Variants in MBNL2 observed in about 807,000 individuals in gnomAD.
MBNL2 encodes the protein muscleblind like splicing regulator 2.
Under a neutral mutation model 41.9 loss-of-function variants are expected in MBNL2, and 17 were observed. That is an observed-to-expected ratio of 0.41 (90% CI 0.28 to 0.61). MBNL2 has a LOEUF of 0.61. Ranked by LOEUF, MBNL2 falls within the 20% of genes least tolerant of loss-of-function variation. The pLI is 0.35. For missense variants in MBNL2, 336 were observed against 505.6 expected (o/e 0.66, Z 3.22); for synonymous variants, 195 against 182.9 (o/e 1.07, Z -0.53).
At chr13:97,288,275 A>G (rs1434109266) in intron 2 of MBNL2, among the ~76,000 whole-genome samples, 1 of 152,206 alleles carries the variant, frequency 6.6e-6, no homozygotes, top group Non-Finnish European at 1.5e-5. Context: ...CCACACCAGC[A>G]AACTCACTCA....
intron 1 of MBNL2, among the ~76,000 whole-genome samples, chr13:97,230,779 A>T (rs2152780517): frequency 6.6e-6 from 1 of 152,352 alleles, no homozygotes; most frequent in South Asian, 2.1e-4. Context: ...TCTCCTGCAC[A>T]TAGCTTTTCC....
the MBNL2 span, among the ~76,000 whole-genome samples, chr13:97,182,994 G>T: frequency 6.6e-6 from 1 of 152,132 alleles, no homozygotes; most frequent in Non-Finnish European, 1.5e-5. Flanking sequence ...TCAATAAAAA[G>T]TCTGACTTCA....
chr13:97,222,722 C>G (rs990504434), intron 1 of MBNL2, among the ~76,000 whole-genome samples, 191 bp downstream of exon 1: 1 of 152,070 alleles, frequency 6.6e-6, no homozygotes, highest in Non-Finnish European at 1.5e-5. Context: ...GAATCTATGC[C>G]GCCTGTTTGG....
the MBNL2 span, among the ~76,000 whole-genome samples, chr13:97,207,291 T>G: frequency 6.6e-6 from 1 of 152,194 alleles, no homozygotes; most frequent in Non-Finnish European, 1.5e-5. Flanking sequence ...TGTGTATTTT[T>G]TATATTAACA....
chr13:97,324,987 G>A (rs1414093734), intron 2 of MBNL2, among the ~76,000 whole-genome samples: 1 of 152,054 alleles, frequency 6.6e-6, no homozygotes, highest in Non-Finnish European at 1.5e-5. Flanking sequence ...CCAGTCCACT[G>A]ACTCAAATGT....
At chr13:97,352,061 T>TAAATAAATAAATAATA (rs377716664) in intron 5 of MBNL2, among the ~76,000 whole-genome samples, 2 of 126,376 alleles carry the variant, frequency 1.6e-5, no homozygotes, top group African/African-American at 5.6e-5. Context: ...AATAAATAAA[T>TAAATAAATAAATAATA]AATAAATAAA....
the MBNL2 span, among the ~76,000 whole-genome samples, chr13:97,204,516 T>C: frequency 6.6e-6 from 1 of 152,226 alleles, no homozygotes; most frequent in African/African-American, 2.4e-5. Flanking sequence ...CTCCTAGCTT[T>C]ATTTCCTTAA....
chr13:97,312,591 C>T (rs558250968), intron 2 of MBNL2, among the ~76,000 whole-genome samples: 1 of 152,242 alleles, frequency 6.6e-6, no homozygotes, highest in East Asian at 1.9e-4. Flanking sequence ...TCTCAAAGAC[C>T]AGGAAACCCT....
chr13:97,149,282 G>A, the MBNL2 span, among the ~76,000 whole-genome samples: 2 of 152,322 alleles, frequency 1.3e-5, no homozygotes, highest in South Asian at 2.1e-4. Flanking sequence ...CTTGTCTTAA[G>A]TGAAGTGCTC....
chr13:97,203,906 AT>A, the MBNL2 span, among the ~76,000 whole-genome samples: 9 of 151,998 alleles, frequency 5.9e-5, no homozygotes, highest in South Asian at 2.1e-4. Flanking sequence ...GGATGGATGG[AT>A]GGATGGATGG....
chr13:97,351,245 G>T (rs2062422383), intron 5 of MBNL2, among the ~76,000 whole-genome samples: 1 of 152,168 alleles, frequency 6.6e-6, no homozygotes, highest in African/African-American at 2.4e-5. Context: ...AAACCATGTT[G>T]TAAATACATA....
the MBNL2 span, among the ~76,000 whole-genome samples, chr13:97,196,805 T>G: frequency 2.0e-5 from 3 of 152,190 alleles, no homozygotes; most frequent in Non-Finnish European, 4.4e-5. Context: ...CTTACACACT[T>G]TCTCCTTAAC....
chr13:97,287,519 C>A (rs1232903957), intron 2 of MBNL2, among the ~76,000 whole-genome samples: 1 of 151,976 alleles, frequency 6.6e-6, no homozygotes, highest in African/African-American at 2.4e-5. Context: ...TTGGGACATT[C>A]AATATTCCAG....
intron 2 of MBNL2, among the ~76,000 whole-genome samples, chr13:97,320,469 G>A (rs1298196860): frequency 6.6e-6 from 1 of 151,730 alleles, no homozygotes; most frequent in African/African-American, 2.4e-5. Context: ...TGTTAGCCAG[G>A]ATGGTCTTGA....
intron 2 of MBNL2, among the ~76,000 whole-genome samples, chr13:97,287,640 T>C (rs1027714102): frequency 6.6e-5 from 10 of 152,004 alleles, no homozygotes; most frequent in African/African-American, 2.4e-4. Flanking sequence ...CAAAACGTTG[T>C]TTTTTATTCC....
chr13:97,324,629 A>G (rs970056246), intron 2 of MBNL2, among the ~76,000 whole-genome samples: 16 of 152,186 alleles, frequency 1.1e-4, no homozygotes, highest in African/African-American at 3.4e-4. Context: ...GAATCGACTC[A>G]CACGATCACA....
At chr13:97,218,513 C>G (rs986173142), upstream of MBNL2, among the ~76,000 whole-genome samples, 4 of 142,398 alleles carry the variant, frequency 2.8e-5, no homozygotes, top group African/African-American at 1.1e-4. Context: ...TCAAACTGTA[C>G]AAGACAACTG....
At chr13:97,155,309 A>C in the MBNL2 span, among the ~76,000 whole-genome samples, 1 of 151,974 alleles carries the variant, frequency 6.6e-6, no homozygotes, top group Non-Finnish European at 1.5e-5. Context: ...TCCCAAACCA[A>C]GTCTTGCTTC....
At chr13:97,239,134 G>T (rs927119864) in intron 1 of MBNL2, among the ~76,000 whole-genome samples, 5 of 152,178 alleles carry the variant, frequency 3.3e-5, no homozygotes, top group African/African-American at 1.2e-4. Context: ...AGAGACTGCT[G>T]CTTCTTTCTA....
Sources: allele counts gnomAD v4.1 joint callset (sites outside exome capture counted in the v4.1 genomes callset), GRCh38; gene constraint gnomAD v4.1.1; transcripts MANE v1.5; gene names NCBI Gene and HGNC (gene_info 2026-07-23, HGNC 2026-07-21).